PAX6: variants seen among roughly 807,000 people sequenced by gnomAD.
PAX6 encodes paired box 6.
PAX6 carries 7 observed loss-of-function variants against 60.7 expected under a neutral mutation model. The ratio of observed to expected loss-of-function variants is 0.12; its 90% CI spans 0.07 to 0.22. PAX6 has a LOEUF of 0.22. Ranked by LOEUF, PAX6 falls within the 10% of genes least tolerant of loss-of-function variation. PAX6 has a pLI of 1.00. For synonymous variants in PAX6, 208 were observed against 201.2 expected (o/e 1.03, Z -0.29); for missense variants, 355 against 555.2 (o/e 0.64, Z 3.62).
At chr11:31,816,404 C>T in intron 1 of PAX6, 1 of 618,684 alleles carries the variant, frequency 1.6e-6, no homozygotes, top group Non-Finnish European at 2.9e-6. Flanking sequence ...CTCGGCTCGC[C>T]CTGGGCGCGG....
At chr11:31,793,990 G>T in intron 10 of PAX6, 42 bp downstream of exon 10, 1 of 1,373,250 alleles carries the variant, frequency 7.3e-7, no homozygotes, top group Non-Finnish European at 1.0e-6. Flanking sequence ...AAAGACAAAT[G>T]GTATGAATCA....
At chr11:31,794,920 G>T in intron 8 of PAX6, 132 bp from the exon 9 acceptor site, 1 of 804,426 alleles carries the variant, frequency 1.2e-6, no homozygotes, top group Non-Finnish European at 2.1e-6. Context: ...CAAGGTAACT[G>T]TCAGCCTTCT....
Position 31,801,649 on chromosome 11 carries a change from T to C in PAX6, c.311A>G (p.Tyr104Cys). 6.2e-6 allele frequency: 10 copies of C among 1,614,198 alleles called. No individual in the cohort carries two copies. Among genetic ancestry groups the C allele is most frequent in the Non-Finnish European group, 7.6e-6 (9 of 1,180,044 alleles). ...AAAGATGGACGGGCACTCCCGCTTA[T>C]ACTGGGCTATTTTGCTTACAACTTC... Reference protein sequence around the residue: ...TPEVVSKIAQYKRECPSIFAW... With the variant: ...TPEVVSKIAQCKRECPSIFAW... The change falls in exon 7 of 14, where the codon TAT becomes TGT. Residue 104 changes from tyrosine (Y) to cysteine (C), a missense_variant. Tyr to Cys is a radical substitution (Grantham distance 194). Transcript: ENST00000640368.
chr11:31,802,930 G>C, intron 4 of PAX6, 96 bp from the exon 5 acceptor site: 1 of 1,211,060 alleles, frequency 8.3e-7, no homozygotes, highest in East Asian at 2.5e-5. Context: ...AGATGAGGGA[G>C]AACAAGAACA....
At chr11:31,810,396 AAGC>A (rs1334824205) in intron 2 of PAX6, 1 of 153,570 alleles carries the variant, frequency 6.5e-6, no homozygotes, top group African/African-American at 2.4e-5. Flanking sequence ...GGGCTGGACA[AAGC>A]AGCCGGCAGC....
intron 8 of PAX6, among the ~76,000 whole-genome samples, chr11:31,796,292 A>T (rs1232349060): frequency 6.6e-6 from 1 of 152,154 alleles, no homozygotes; most frequent in Non-Finnish European, 1.5e-5. Context: ...CAGAATTTTG[A>T]GGCTACAATG....
At chr11:31,797,270 C>T (rs528289111) in intron 8 of PAX6, among the ~76,000 whole-genome samples, 1 of 152,108 alleles carries the variant, frequency 6.6e-6, no homozygotes, top group African/African-American at 2.4e-5. Context: ...CAAAGTTGCC[C>T]GAATCTGCCT....
intron 2 of PAX6, chr11:31,809,774 C>T (rs1427405963): frequency 1.3e-5 from 2 of 152,198 alleles, no homozygotes; most frequent in South Asian, 2.1e-4. Context: ...TTTTCAAGGC[C>T]TTACCAAGAA....
At chr11:31,805,158 C>T (rs1221950593) in intron 4 of PAX6, 2 of 152,316 alleles carry the variant, frequency 1.3e-5, no homozygotes, top group Non-Finnish European at 2.9e-5. Context: ...CCCGCGACCC[C>T]GCGCCCCTCG....
intron 9 of PAX6, 110 bp downstream of exon 9, chr11:31,794,520 A>G: frequency 1.2e-5 from 13 of 1,087,322 alleles, no homozygotes; most frequent in Non-Finnish European, 1.5e-5. Flanking sequence ...GAAAAAAGGA[A>G]ATCTTTTCAT....
intron 1 of PAX6, chr11:31,816,407 G>A: frequency 1.6e-6 from 1 of 619,960 alleles, no homozygotes; most frequent in Non-Finnish European, 2.9e-6. Flanking sequence ...GGCTCGCCCT[G>A]GGCGCGGAGC....
chr11:31,806,597 C>T (rs557444020), intron 3 of PAX6, 135 bp from the exon 4 acceptor site: 10 of 698,094 alleles, frequency 1.4e-5, no homozygotes, highest in East Asian at 2.7e-5. Flanking sequence ...CCTCTTGGGG[C>T]GATCTGAGGG....
At chr11:31,810,666 A>T (rs2135406671) in intron 2 of PAX6, 162 bp downstream of exon 2, 1 of 394,570 alleles carries the variant, frequency 2.5e-6, no homozygotes, top group African/African-American at 2.1e-5. Flanking sequence ...CGCTGGAAGT[A>T]GAAAGTTTGG....
upstream of PAX6, among the ~76,000 whole-genome samples, chr11:31,813,394 G>T (rs1388083145): frequency 2.9e-5 from 3 of 104,758 alleles, no homozygotes; most frequent in Non-Finnish European, 3.8e-5. Flanking sequence ...GGGGGCGGGG[G>T]GGGGGGAAGT....
chr11:31,817,030 C>T (rs1298586413), intron 1 of PAX6, among the ~76,000 whole-genome samples: 1 of 152,246 alleles, frequency 6.6e-6, no homozygotes, highest in Non-Finnish European at 1.5e-5. Flanking sequence ...CTCTGGCCCT[C>T]CAAGGGCCGC....
intron 8 of PAX6, among the ~76,000 whole-genome samples, chr11:31,800,209 C>T (rs1953180926): frequency 6.6e-6 from 1 of 152,090 alleles, no homozygotes; most frequent in South Asian, 2.1e-4. Context: ...ATGCCCCATC[C>T]CCGACTCGCC....
upstream of PAX6, among the ~76,000 whole-genome samples, chr11:31,813,527 C>T (rs1957232079): frequency 6.6e-6 from 1 of 152,064 alleles, no homozygotes; most frequent in Admixed American, 6.5e-5. Flanking sequence ...GCTATTTCCC[C>T]CCAGGGCACT....
chr11:31,801,196 G>A (rs773603518), intron 7 of PAX6: 148 of 1,217,300 alleles, frequency 1.2e-4, no homozygotes, highest in Non-Finnish European at 1.5e-4. Context: ...TCATTATATT[G>A]TTTAATATTA....
chr11:31,800,061 G>A (rs1322813038), intron 8 of PAX6, among the ~76,000 whole-genome samples: 1 of 150,400 alleles, frequency 6.6e-6, no homozygotes, highest in Non-Finnish European at 1.5e-5. Context: ...GCATCCCGCC[G>A]TCCTGCTCAC....
Sources: allele counts gnomAD v4.1 joint callset (sites outside exome capture counted in the v4.1 genomes callset), GRCh38; gene constraint gnomAD v4.1.1; transcripts MANE v1.5; gene names NCBI Gene and HGNC (gene_info 2026-07-23, HGNC 2026-07-21).